GRM3: variants seen among roughly 807,000 people sequenced by gnomAD.
The protein encoded by GRM3 is metabotropic glutamate receptor 3.
In GRM3, 26 loss-of-function variants were observed where a neutral mutation model predicts 70.5. The observed-to-expected ratio is 0.37, with a 90% CI of 0.27 to 0.51. The LOEUF (loss-of-function observed/expected upper bound fraction) is 0.51, where lower values mean the gene tolerates loss of function less well. Ranked by LOEUF, GRM3 falls within the 20% of genes least tolerant of loss-of-function variation. GRM3 has a pLI of 0.93. For synonymous variants in GRM3, 443 were observed against 434.9 expected (o/e 1.02, Z -0.23); for missense variants, 859 against 1,123.8 (o/e 0.76, Z 3.37).
intron 1 of GRM3, among the ~76,000 whole-genome samples, chr7:86,669,791 A>T (rs1794125044): frequency 6.6e-6 from 1 of 152,186 alleles, no homozygotes; most frequent in African/African-American, 2.4e-5. Context: ...CTCTCTTCTT[A>T]CCTTTATGAT....
intron 5 of GRM3, among the ~76,000 whole-genome samples, chr7:86,852,617 G>T (rs1296688716): frequency 2.0e-5 from 3 of 151,962 alleles, no homozygotes; most frequent in South Asian, 4.1e-4. Context: ...TTTAAAAAAG[G>T]TCTAAATTCA....
At chr7:86,686,055 A>G (rs990753773) in intron 1 of GRM3, among the ~76,000 whole-genome samples, 2 of 152,200 alleles carry the variant, frequency 1.3e-5, no homozygotes, top group Non-Finnish European at 2.9e-5. Context: ...ATCAGTTTAA[A>G]TAATGAGCAA....
chr7:86,733,146 C>A (rs928885058), intron 1 of GRM3, among the ~76,000 whole-genome samples: 2 of 151,808 alleles, frequency 1.3e-5, no homozygotes, highest in African/African-American at 4.8e-5. Context: ...AACCCCATCT[C>A]TACTAAAAAT....
intron 1 of GRM3, among the ~76,000 whole-genome samples, chr7:86,678,314 G>T (rs1794355696): frequency 6.6e-6 from 1 of 151,794 alleles, no homozygotes. Context: ...CAGAATTGCA[G>T]AAGAACTCAG....
intron 2 of GRM3, among the ~76,000 whole-genome samples, chr7:86,778,657 C>A (rs1796960246): frequency 6.6e-6 from 1 of 152,104 alleles, no homozygotes; most frequent in Non-Finnish European, 1.5e-5. Flanking sequence ...AGCTCATATT[C>A]TTTTGCTCCC....
intron 3 of GRM3, among the ~76,000 whole-genome samples, chr7:86,802,905 T>G (rs1357453562): frequency 6.6e-6 from 1 of 152,168 alleles, no homozygotes; most frequent in African/African-American, 2.4e-5. Flanking sequence ...AAGTTAAAAA[T>G]TTTAAATGCA....
At chr7:86,649,474 G>T (rs771643842) in intron 1 of GRM3, among the ~76,000 whole-genome samples, 9 of 152,064 alleles carry the variant, frequency 5.9e-5, no homozygotes, top group Non-Finnish European at 1.2e-4. Context: ...TAAGGCACCA[G>T]TTTGAAAATA....
At chr7:86,751,642 A>G (rs933368705) in intron 1 of GRM3, among the ~76,000 whole-genome samples, 1 of 152,090 alleles carries the variant, frequency 6.6e-6, no homozygotes, top group South Asian at 2.1e-4. Flanking sequence ...AGCCTAAACT[A>G]TAAAGTTGCA....
intron 3 of GRM3, among the ~76,000 whole-genome samples, chr7:86,826,880 A>G (rs1344557841): frequency 1.3e-5 from 2 of 152,202 alleles, no homozygotes; most frequent in African/African-American, 2.4e-5. Context: ...ATAATAATAT[A>G]TGCAAGTGTC....
At chr7:86,766,473 A>G (rs1291151910) in intron 2 of GRM3, among the ~76,000 whole-genome samples, 1 of 152,060 alleles carries the variant, frequency 6.6e-6, no homozygotes, top group African/African-American at 2.4e-5. Context: ...GAAGAAATAT[A>G]CATACTCTTG....
In GRM3 at chr7:86,782,427, G is replaced by C. The variant is rs553449393; in HGVS notation, c.469-3834G>C. Among the ~76,000 whole-genome samples the C allele has an allele frequency of 2.0e-5, 3 of 151,980 alleles. No homozygotes were observed. In the East Asian group the frequency reaches 5.8e-4, roughly 29 times the overall value. On this transcript the variant is annotated intron_variant, in intron 2 of 5. Coordinates refer to ENST00000361669, the MANE Select transcript of GRM3 (RefSeq NM_000840.3). ...TGTTAGAAACCATTCTCAATGGAGA[G>C]AATGAGAAAGTAAGAGGGATGGAGC...
At chr7:86,862,150 T>C (rs1356225842) in intron 5 of GRM3, among the ~76,000 whole-genome samples, 1 of 152,022 alleles carries the variant, frequency 6.6e-6, no homozygotes, top group Admixed American at 6.6e-5. Context: ...GAATCAAGAG[T>C]TCAGCTATGG....
rs375398925 is a variant in GRM3 at position 86,765,620 on chromosome 7, T to C, written c.468+7T>C. 25 of 1,608,044 alleles carry C rather than the reference T, an allele frequency of 1.6e-5. No homozygotes were observed. The African/African-American group carries it at 1.7e-4, about 11-fold the overall frequency. On this transcript the variant is annotated splice_region_variant and intron_variant, in intron 2 of 5. Transcript: ENST00000361669. ...TAGCAGTGTTTCCATACAGGTAAGA[T>C]TGGCTAATGCTATTGCTAAAAGGCT...
chr7:86,818,134 C>T (rs1224885580), intron 3 of GRM3, among the ~76,000 whole-genome samples: 2 of 152,036 alleles, frequency 1.3e-5, no homozygotes, highest in African/African-American at 2.4e-5. Flanking sequence ...CTGCGTTCAT[C>T]TATTTTGCCT....
chr7:86,778,142 A>T (rs1290558934), intron 2 of GRM3, among the ~76,000 whole-genome samples: 1 of 152,222 alleles, frequency 6.6e-6, no homozygotes, highest in African/African-American at 2.4e-5. Flanking sequence ...GAAGGTTATT[A>T]TCAAGTCTCC....
chr7:86,856,318 C>A (rs1215627227), intron 5 of GRM3, among the ~76,000 whole-genome samples: 1 of 151,914 alleles, frequency 6.6e-6, no homozygotes, highest in Non-Finnish European at 1.5e-5. Flanking sequence ...TGGTGGTGTG[C>A]AGCTGTAATC....
At chr7:86,700,513 AT>A (rs1794923795) in intron 1 of GRM3, among the ~76,000 whole-genome samples, 2 of 151,812 alleles carry the variant, frequency 1.3e-5, no homozygotes, top group South Asian at 4.2e-4. Flanking sequence ...TTTCACTGTA[AT>A]TTGCACTGTA....
At chr7:86,787,150 G>A (rs188909227) in intron 3 of GRM3, 34 bp downstream of exon 3, 11 of 1,528,390 alleles carry the variant, frequency 7.2e-6, no homozygotes, top group African/African-American at 2.7e-5. Flanking sequence ...CTTCTCAGAT[G>A]CAAACAAGTG....
chr7:86,714,187 A>G (rs1313341433), intron 1 of GRM3, among the ~76,000 whole-genome samples: 1 of 151,992 alleles, frequency 6.6e-6, no homozygotes, highest in East Asian at 1.9e-4. Flanking sequence ...TTTCTCACAC[A>G]GATATTTCCC....
Sources: allele counts gnomAD v4.1 joint callset (sites outside exome capture counted in the v4.1 genomes callset), GRCh38; gene constraint gnomAD v4.1.1; transcripts MANE v1.5; gene names NCBI Gene and HGNC (gene_info 2026-07-23, HGNC 2026-07-21).